TENM3: variants seen among roughly 807,000 people sequenced by gnomAD.
TENM3 encodes teneurin transmembrane protein 3, also known as teneurin-3.
In TENM3, 63 loss-of-function variants were observed where a neutral mutation model predicts 255.1. The observed-to-expected ratio is 0.25, with a 90% CI of 0.20 to 0.30. TENM3 has a LOEUF of 0.30. TENM3 is among the 10% of genes least tolerant of loss of function. TENM3 has a pLI of 1.00. For synonymous variants in TENM3, 1,306 were observed against 1,322.3 expected, an observed-to-expected ratio of 0.99 and a Z score of 0.27; for missense variants, 2,929 against 3,461.1, an observed-to-expected ratio of 0.85 and a Z score of 3.86.
the TENM3 span, among the ~76,000 whole-genome samples, chr4:181,626,630 C>A: frequency 6.6e-6 from 1 of 152,114 alleles, no homozygotes; most frequent in Non-Finnish European, 1.5e-5. Flanking sequence ...AGAGCAAGAA[C>A]TCACTCATTA....
At chr4:182,215,745 CA>C (rs1341528116) in intron 1 of TENM3, among the ~76,000 whole-genome samples, 1 of 152,180 alleles carries the variant, frequency 6.6e-6, no homozygotes, top group African/African-American at 2.4e-5. Context: ...ACACCTGGCA[CA>C]TGTCAACAGA....
At chr4:182,671,985 A>C (rs1393891214) in intron 6 of TENM3, among the ~76,000 whole-genome samples, 1 of 152,100 alleles carries the variant, frequency 6.6e-6, no homozygotes, top group Non-Finnish European at 1.5e-5. Flanking sequence ...TGTTGTTATC[A>C]GTGTAAAAGG....
At chr4:181,892,032 G>A in the TENM3 span, among the ~76,000 whole-genome samples, 1 of 152,262 alleles carries the variant, frequency 6.6e-6, no homozygotes, top group East Asian at 1.9e-4. Flanking sequence ...AGGATAGACT[G>A]GAGGCTCACC....
the TENM3 span, among the ~76,000 whole-genome samples, chr4:181,900,982 G>A: frequency 4.7e-4 from 72 of 152,242 alleles, no homozygotes; most frequent in African/African-American, 1.5e-3. Context: ...GTAGACTTCC[G>A]TATTTTTAAC....
At chr4:182,468,824 TTGTGTGTGTGTGTGTGTGTGTGTG>T (rs66517986) in intron 3 of TENM3, among the ~76,000 whole-genome samples, 1 of 143,778 alleles carries the variant, frequency 7.0e-6, no homozygotes, top group African/African-American at 2.6e-5. Flanking sequence ...TCCTGTGTGC[TTGTGTGTGTGTGTGTGTGTGTGTG>T]TGTGTGTGTG....
intron 1 of TENM3, among the ~76,000 whole-genome samples, chr4:182,213,584 G>C (rs1013031408): frequency 6.6e-6 from 1 of 152,090 alleles, no homozygotes; most frequent in African/African-American, 2.4e-5. Context: ...AGCTGCTTGT[G>C]AATGTCTCAT....
chr4:182,608,741 C>CA (rs1748677037), intron 4 of TENM3, among the ~76,000 whole-genome samples: 1 of 152,178 alleles, frequency 6.6e-6, no homozygotes, highest in Admixed American at 6.5e-5. Flanking sequence ...CTTTGCTGGA[C>CA]AGGCCATCGG....
intron 3 of TENM3, among the ~76,000 whole-genome samples, chr4:182,433,842 G>GT (rs1561441982): frequency 6.6e-6 from 1 of 152,108 alleles, no homozygotes; most frequent in African/African-American, 2.4e-5. Context: ...GCTGGGTGGC[G>GT]TGATGGCTCA....
chr4:181,811,832 G>A, the TENM3 span, among the ~76,000 whole-genome samples: 26 of 152,150 alleles, frequency 1.7e-4, no homozygotes, highest in East Asian at 2.5e-3. Context: ...GTGAGATTTC[G>A]GTGGGGACAC....
intron 19 of TENM3, among the ~76,000 whole-genome samples, chr4:182,745,166 C>CA (rs1462214412): frequency 1.3e-4 from 20 of 152,244 alleles, no homozygotes; most frequent in African/African-American, 4.8e-4. Context: ...AACTAGCAAA[C>CA]AAAAACCAAA....
rs545644899 is a variant in TENM3 at position 182,160,025 on chromosome 4, C to T, written c.-76+15271C>T. The stretch of plus-strand genomic sequence containing the variant: ...TATATTCCGGTTCTTTTTTTTGAGA[C>T]GGAGTCTCGCTCTGTCGCCCAGGCT... On this transcript the variant is annotated intron_variant, in intron 1 of 2. Transcript: ENST00000512480. Among the ~76,000 whole-genome samples the T allele has an allele frequency of 5.8e-5, 8 of 138,230 alleles. No homozygotes were observed. In the South Asian group the frequency reaches 1.3e-3, roughly 22 times the overall value. 90.7% of individuals were successfully genotyped at this position (138,230 alleles called of 152,430 possible).
At chr4:182,176,427 T>C (rs988547588) in intron 1 of TENM3, among the ~76,000 whole-genome samples, 7 of 152,246 alleles carry the variant, frequency 4.6e-5, no homozygotes, top group Non-Finnish European at 1.5e-5. Flanking sequence ...AGTTTACATA[T>C]GTAAACATGT....
the TENM3 span, among the ~76,000 whole-genome samples, chr4:182,078,580 C>T: frequency 6.6e-6 from 1 of 152,116 alleles, no homozygotes; most frequent in Non-Finnish European, 1.5e-5. Flanking sequence ...ACTCAGGCCA[C>T]ATAAAGATTT....
chr4:181,488,580 AC>A, the TENM3 span, among the ~76,000 whole-genome samples: 1 of 152,170 alleles, frequency 6.6e-6, no homozygotes, highest in Admixed American at 6.5e-5. Context: ...CTTTTGGTAA[AC>A]AAGTTGTCTT....
rs766302299 is a variant in TENM3 at position 182,728,983 on chromosome 4, T to G, written c.2387T>G (p.Met796Arg). ...DNEGDGLIDC[M>R]DPDCCLQSSC... ...TCTACAGATGGACTCATTGACTGCA[T>G]GGATCCCGATTGCTGCCTACAGAGT... is the stretch of plus-strand genomic sequence containing the variant. The change falls in exon 14 of 28, where the codon ATG becomes AGG. Residue 796 changes from methionine (M) to arginine (R), a missense_variant. Transcript: ENST00000511685. 9.7e-5 allele frequency: 157 copies of G among 1,613,852 alleles called. No homozygotes were observed. The highest frequency in any genetic ancestry group is 1.3e-4 in the Non-Finnish European group (149 of 1,179,886).
intron 12 of TENM3, among the ~76,000 whole-genome samples, chr4:182,697,242 C>T (rs1303590866): frequency 6.6e-6 from 1 of 152,146 alleles, no homozygotes; most frequent in African/African-American, 2.4e-5. Context: ...CCAGAAAAAA[C>T]AGGAGTGCAT....
chr4:181,553,925 G>T, the TENM3 span, among the ~76,000 whole-genome samples: 1 of 152,180 alleles, frequency 6.6e-6, no homozygotes, highest in Admixed American at 6.5e-5. Context: ...CGCTCTCTGA[G>T]TTGACTACTT....
At chr4:181,683,189 T>C in the TENM3 span, among the ~76,000 whole-genome samples, 1 of 152,146 alleles carries the variant, frequency 6.6e-6, no homozygotes, top group African/African-American at 2.4e-5. Context: ...ACTCATTATA[T>C]ACCAGGTAGA....
the TENM3 span, among the ~76,000 whole-genome samples, chr4:182,003,623 T>C: frequency 6.6e-6 from 1 of 152,138 alleles, no homozygotes; most frequent in African/African-American, 2.4e-5. Flanking sequence ...TGTTTTCTTG[T>C]TATTTACACA....
Sources: allele counts gnomAD v4.1 joint callset (sites outside exome capture counted in the v4.1 genomes callset), GRCh38; gene constraint gnomAD v4.1.1; transcripts MANE v1.5; gene names NCBI Gene and HGNC (gene_info 2026-07-23, HGNC 2026-07-21).